The following RBFOX1 variants were observed in gnomAD, a reference collection of about 807,000 sequenced individuals.
The protein encoded by RBFOX1 is RNA binding fox-1 homolog 1.
In RBFOX1, 8 loss-of-function variants were observed where a neutral mutation model predicts 57.7. That is an observed-to-expected ratio of 0.14 (90% CI 0.08 to 0.25). RBFOX1 has a LOEUF of 0.25. Ranked by LOEUF, RBFOX1 falls within the 10% of genes least tolerant of loss-of-function variation. The pLI is 1.00. For synonymous variants in RBFOX1, 326 were observed against 222.4 expected (o/e 1.47, Z -4.15); for missense variants, 611 against 548.5 (o/e 1.11, Z -1.14).
At chr16:5,558,376 C>G (rs2045760482) in intron 2 of RBFOX1, among the ~76,000 whole-genome samples, 1 of 152,150 alleles carries the variant, frequency 6.6e-6, no homozygotes, top group African/African-American at 2.4e-5. Flanking sequence ...GTCCTCATGT[C>G]CTCACCACCT....
Position 7,197,371 on chromosome 16 carries a change from G to C in RBFOX1, c.27+145273G>C, listed in dbSNP as rs545936637. ...ATCCCAGAGCTTCTTTCTGTTTCTG[G>C]AGTGATGTTTTTCTTTGAAGCTAAG... On this transcript the variant is annotated intron_variant, in intron 4 of 15. Coordinates refer to ENST00000550418, the MANE Select transcript of RBFOX1 (RefSeq NM_018723.4). Among the ~76,000 whole-genome samples, 3 of 150,554 alleles carry C rather than the reference G, an allele frequency of 2.0e-5. No homozygotes were observed. The South Asian group carries it at 6.3e-4, about 32-fold the overall frequency.
intron 2 of RBFOX1, among the ~76,000 whole-genome samples, chr16:5,520,681 C>T (rs1020690888): frequency 1.6e-4 from 24 of 152,194 alleles, no homozygotes; most frequent in African/African-American, 5.8e-4. Flanking sequence ...ACTGTATATG[C>T]TCGTCTCACC....
At chr16:7,593,926 C>G (rs1015797096) in intron 7 of RBFOX1, among the ~76,000 whole-genome samples, 2 of 152,132 alleles carry the variant, frequency 1.3e-5, no homozygotes, top group Admixed American at 1.3e-4. Flanking sequence ...GCTGATGAGC[C>G]TATTCCGACT....
intron 3 of RBFOX1, among the ~76,000 whole-genome samples, chr16:6,755,296 T>C (rs1302814621): frequency 1.3e-5 from 2 of 152,146 alleles, no homozygotes; most frequent in East Asian, 3.9e-4. Flanking sequence ...CCACAATGGT[T>C]GAACTAGTTT....
intron 2 of RBFOX1, among the ~76,000 whole-genome samples, chr16:6,321,362 T>A (rs2081767493): frequency 6.6e-6 from 1 of 152,192 alleles, no homozygotes; most frequent in Admixed American, 6.5e-5. Context: ...TCCGTCCTTG[T>A]ACCTAGGCTG....
chr16:6,216,453 T>C (rs2097336367), intron 1 of RBFOX1, among the ~76,000 whole-genome samples: 1 of 152,024 alleles, frequency 6.6e-6, no homozygotes, highest in Admixed American at 6.6e-5. Context: ...CACCATTAGC[T>C]CCCCCTCTTA....
At chr16:7,420,962 T>C (rs111852758) in intron 4 of RBFOX1, among the ~76,000 whole-genome samples, 1,833 of 132,216 alleles carry the variant, frequency 0.014, 28 homozygotes, top group African/African-American at 0.044. Context: ...CACACACACA[T>C]ATATATATAT....
At chr16:5,361,159 G>A (rs967066965) in intron 1 of RBFOX1, among the ~76,000 whole-genome samples, 1 of 152,146 alleles carries the variant, frequency 6.6e-6, no homozygotes, top group African/African-American at 2.4e-5. Flanking sequence ...GGCAAAGCTG[G>A]GATTTGAACC....
At chr16:7,039,520 A>AT (rs2045525173) in intron 3 of RBFOX1, among the ~76,000 whole-genome samples, 3 of 152,152 alleles carry the variant, frequency 2.0e-5, no homozygotes, top group African/African-American at 4.8e-5. Context: ...TTTTGTTTTT[A>AT]CTTTTTTAAT....
intron 2 of RBFOX1, among the ~76,000 whole-genome samples, chr16:5,587,087 C>G (rs1031396805): frequency 5.3e-5 from 8 of 152,082 alleles, no homozygotes; most frequent in African/African-American, 1.9e-4. Flanking sequence ...ATGGACATGG[C>G]CCATTGGTTA....
intron 4 of RBFOX1, among the ~76,000 whole-genome samples, chr16:7,493,376 A>G (rs1419029645): frequency 2.0e-5 from 3 of 152,228 alleles, no homozygotes; most frequent in Non-Finnish European, 4.4e-5. Context: ...GAATCATTGC[A>G]ATAGACTCAG....
At chr16:7,191,833 A>G (rs2085465974) in intron 4 of RBFOX1, among the ~76,000 whole-genome samples, 2 of 152,236 alleles carry the variant, frequency 1.3e-5, no homozygotes, top group Admixed American at 1.3e-4. Flanking sequence ...GAGGCGAAAG[A>G]GTCCGTTTGG....
intron 1 of RBFOX1, among the ~76,000 whole-genome samples, chr16:6,140,000 C>T (rs549152237): frequency 3.9e-5 from 6 of 152,102 alleles, no homozygotes; most frequent in South Asian, 2.1e-4. Flanking sequence ...GGAAAAAATA[C>T]GGAATATTGT....
In RBFOX1 at chr16:6,654,541, T is replaced by G; in HGVS notation, c.-63-62T>G. ...ATTTCAACAACACCACTGAATGTTC[T>G]CTGACCATAAGTCTGACTCCTGTTC... On this transcript the variant is annotated intron_variant, in intron 2 of 15. Coordinates refer to ENST00000550418, the MANE Select transcript of RBFOX1 (RefSeq NM_018723.4). The G allele has an allele frequency of 3.0e-6, 4 of 1,327,542 alleles. No homozygotes were observed. In the South Asian group the frequency reaches 5.7e-5, roughly 19 times the overall value. The allele number at this position is 1,327,542 out of a possible 1,614,324, so 82.2% of individuals were successfully genotyped here.
rs1229136247 is a variant in RBFOX1 at position 5,586,301 on chromosome 16, G to GC, written c.259-12600dup. 2.0e-5 allele frequency among the ~76,000 whole-genome samples: 3 copies of GC among 152,126 alleles called. No homozygotes were observed. In the East Asian group the frequency reaches 5.8e-4, roughly 29 times the overall value. ...TTAGACCACTCAGTTGGTGGCAATT[G>GC]CGTGACGGCAGCCACAGGGAACTAA... On this transcript the variant is annotated intron_variant, in intron 2 of 2. Transcript: ENST00000585867.
At chr16:7,151,963 G>A (rs2076195630) in intron 4 of RBFOX1, among the ~76,000 whole-genome samples, 1 of 152,160 alleles carries the variant, frequency 6.6e-6, no homozygotes, top group African/African-American at 2.4e-5. Context: ...TTGCTCACCT[G>A]CTGCTTACCT....
chr16:6,876,894 A>G (rs1293522469), intron 3 of RBFOX1, among the ~76,000 whole-genome samples: 16 of 152,222 alleles, frequency 1.1e-4, no homozygotes, highest in Admixed American at 6.5e-5. Flanking sequence ...AAGTGCTTTT[A>G]GCCCACCAAG....
At chr16:7,406,722 G>T (rs933695602) in intron 4 of RBFOX1, among the ~76,000 whole-genome samples, 3 of 152,124 alleles carry the variant, frequency 2.0e-5, no homozygotes, top group Non-Finnish European at 4.4e-5. Context: ...TACAAATTCC[G>T]TGGCTTACAA....
Position 6,091,154 on chromosome 16 carries a change from C to G in RBFOX1, c.-127+71162C>G, listed in dbSNP as rs531981166. On this transcript the variant is annotated intron_variant, in intron 1 of 15. Coordinates refer to ENST00000550418, the MANE Select transcript of RBFOX1 (RefSeq NM_018723.4). ...TGCTGTGGAACATTAAAACTCACTT[C>G]TCCTATCTAACTGTAGGTTTGCACC... Among the ~76,000 whole-genome samples the G allele has an allele frequency of 9.8e-5, 15 of 152,306 alleles. No homozygotes were observed. The East Asian group carries it at 2.9e-3, about 29-fold the overall frequency.
Sources: gnomAD v4.1 joint callset for allele counts (sites outside exome capture counted in the v4.1 genomes callset) on GRCh38, gnomAD v4.1.1 for gene constraint, MANE v1.5 for transcripts, NCBI Gene and HGNC (gene_info 2026-07-23, HGNC 2026-07-21) for gene names.